Variants in BPTF observed in about 807,000 individuals in gnomAD.
BPTF encodes the protein bromodomain PHD finger transcription factor, also known as nucleosome-remodeling factor subunit BPTF.
BPTF carries 18 observed loss-of-function variants against 292.5 expected under a neutral mutation model. That is an observed-to-expected ratio of 0.06 (90% CI 0.04 to 0.09). The LOEUF (loss-of-function observed/expected upper bound fraction) is 0.09, where lower values mean the gene tolerates loss of function less well. Among genes scored for constraint, BPTF ranks in the 10% least tolerant of loss-of-function variants. BPTF has a pLI of 1.00. For missense variants in BPTF, 2,726 were observed against 3,498.7 expected (o/e 0.78, Z 5.57); for synonymous variants, 1,225 against 1,251.9 (o/e 0.98, Z 0.45).
intron 11 of BPTF, 109 bp downstream of exon 11, chr17:67,913,296 A>G (rs1378511485): frequency 1.4e-6 from 2 of 1,435,430 alleles, no homozygotes; most frequent in Non-Finnish European, 1.8e-6. Context: ...GACAGGAAAC[A>G]TATTAATGGC....
chr17:67,960,923 T>A (rs368268420), intron 24 of BPTF, among the ~76,000 whole-genome samples: 24 of 152,336 alleles, frequency 1.6e-4, no homozygotes, highest in African/African-American at 5.5e-4. Flanking sequence ...TAAACAGAAA[T>A]CAATTTAGGC....
chr17:67,855,155 G>C (rs942374303), intron 2 of BPTF, among the ~76,000 whole-genome samples: 6 of 152,222 alleles, frequency 3.9e-5, no homozygotes, highest in Admixed American at 2.0e-4. Context: ...ACAAAACTTA[G>C]CCAGGTGTGG....
At chr17:67,840,678 T>G (rs2057485703) in intron 1 of BPTF, among the ~76,000 whole-genome samples, 1 of 152,060 alleles carries the variant, frequency 6.6e-6, no homozygotes, top group Non-Finnish European at 1.5e-5. Flanking sequence ...TCCTCCCACT[T>G]CAGCCTCTGA....
At position 67,959,651 on chromosome 17, in the gene BPTF, C is replaced by T. The variant is rs782727606; in HGVS notation, c.8037C>T (p.Ala2679=). The change falls in exon 24 of 28, where the codon GCC becomes GCT. Residue 2679 remains alanine (A), a synonymous_variant. Transcript: ENST00000306378. Reference sequence around the variant, plus strand: ...CCCCAGTGACACCAGCTCCTCCAGCCCCTCCAGCCCCTCCACCTTCACCTC... The same window carrying T: ...CCCCAGTGACACCAGCTCCTCCAGCTCCTCCAGCCCCTCCACCTTCACCTC... The part of the protein sequence containing the change: ...PCPPVTPAPP[A]PPAPPPSPPP... The T allele has an allele frequency of 1.9e-6, 3 of 1,605,434 alleles. No homozygotes were observed. Among genetic ancestry groups the T allele is most frequent in the South Asian group, 2.2e-5 (2 of 89,876 alleles).
At chr17:67,981,523 T>C (rs556429541) in intron 27 of BPTF, 2 of 1,123,962 alleles carry the variant, frequency 1.8e-6, no homozygotes, top group East Asian at 8.7e-5. Flanking sequence ...CGTGATTACC[T>C]AATTCAAAAT....
rs1555674466 is a variant in BPTF at position 67,945,658 on chromosome 17, A to G, written c.6950A>G (p.His2317Arg). 6.2e-7 allele frequency: 1 copy of G among 1,614,048 alleles called. No individual in the cohort carries two copies. The highest frequency in any genetic ancestry group is 8.5e-7 in the Non-Finnish European group (1 of 1,180,016). The change falls in exon 21 of 28, where the codon CAC becomes CGC. Residue 2317 changes from histidine (H) to arginine (R), a missense_variant. This residue lies in a region of BPTF where 570 missense variants were observed against 633.5 expected (regional missense o/e 0.90). Coordinates refer to ENST00000306378, the MANE Select transcript of BPTF (RefSeq NM_182641.4). Reference protein sequence around the residue: ...SHVPSEAQPTHAQSSKPQVAA... With the variant: ...SHVPSEAQPTRAQSSKPQVAA... ...GTCCCTTCTGAAGCACAACCCACCC[A>G]CGCACAGTCATCCAAGCCCCAAGTT...
At chr17:67,939,724 C>T (rs982707242) in intron 18 of BPTF, among the ~76,000 whole-genome samples, 2 of 152,090 alleles carry the variant, frequency 1.3e-5, no homozygotes, top group African/African-American at 4.8e-5. Context: ...AAAACAAATA[C>T]AAAAAATTAG....
chr17:67,832,742 T>C (rs2056803678), intron 1 of BPTF, among the ~76,000 whole-genome samples: 1 of 150,778 alleles, frequency 6.6e-6, no homozygotes, highest in Non-Finnish European at 1.5e-5. Context: ...TGCTCATCCC[T>C]GGCAGCCACT....
At chr17:67,873,161 T>C (rs541699268) in intron 3 of BPTF, among the ~76,000 whole-genome samples, 1 of 152,014 alleles carries the variant, frequency 6.6e-6, no homozygotes, top group African/African-American at 2.4e-5. Flanking sequence ...ATACATGGTA[T>C]TAAGTGTTTC....
In BPTF at chr17:67,903,794, A is replaced by G; in HGVS notation, c.2549A>G (p.His850Arg). Residue 850 changes from histidine (H) to arginine (R), a missense_variant, in exon 8 of 28, where the codon CAC (histidine) becomes CGC (arginine). His to Arg is a conservative substitution (Grantham distance 29). Coordinates refer to ENST00000306378, the MANE Select transcript of BPTF (RefSeq NM_182641.4). ...TTCTATGCATGAATTCTTAGGTTAC[A>G]CCGGATGACATCAATTGAAAGAGAA... ...WRESLGHTRL[H>R]RMTSIEREEK... 1.3e-6 allele frequency: 2 copies of G among 1,563,024 alleles called. No homozygotes were observed. The highest frequency in any genetic ancestry group is 2.3e-5 in the East Asian group (1 of 43,550).
intron 1 of BPTF, among the ~76,000 whole-genome samples, chr17:67,841,791 T>C (rs577696450): frequency 6.6e-6 from 1 of 152,340 alleles, no homozygotes; most frequent in African/African-American, 2.4e-5. Flanking sequence ...TTGGACCATT[T>C]ACATTTAATA....
At chr17:67,896,173 A>G (rs985020440) in intron 7 of BPTF, among the ~76,000 whole-genome samples, 34 of 152,144 alleles carry the variant, frequency 2.2e-4, no homozygotes, top group Non-Finnish European at 3.7e-4. Context: ...CGTGTTAGCC[A>G]GGATGGTCTC....
chr17:67,826,640 G>A (rs1410563325), intron 1 of BPTF, among the ~76,000 whole-genome samples: 1 of 141,454 alleles, frequency 7.1e-6, no homozygotes, highest in African/African-American at 2.6e-5. Context: ...TGTCTCCACC[G>A]GGCAGGATTG....
intron 4 of BPTF, among the ~76,000 whole-genome samples, chr17:67,888,200 C>A (rs1049465373): frequency 2.0e-5 from 3 of 152,148 alleles, no homozygotes; most frequent in Non-Finnish European, 4.4e-5. Flanking sequence ...ATTTCACCCA[C>A]AACTTAAAAC....
At chr17:67,894,010 T>C in intron 6 of BPTF, 24 bp from the exon 7 acceptor site, 1 of 1,606,482 alleles carries the variant, frequency 6.2e-7, no homozygotes, top group Non-Finnish European at 8.5e-7. Flanking sequence ...TGAAATAATT[T>C]CTCTCATTTC....
At chr17:67,924,503 C>T in intron 14 of BPTF, 44 bp from the exon 15 acceptor site, 1 of 1,591,830 alleles carries the variant, frequency 6.3e-7, no homozygotes, top group Non-Finnish European at 8.6e-7. Context: ...TGCCAGATGC[C>T]TAACAGGCTA....
intron 25 of BPTF, among the ~76,000 whole-genome samples, chr17:67,964,750 CA>C (rs1268145270): frequency 2.6e-5 from 4 of 152,086 alleles, no homozygotes; most frequent in African/African-American, 9.7e-5. Flanking sequence ...CCTGTAATCC[CA>C]GCACTTTGGG....
chr17:67,848,639 C>A (rs1178293059), intron 1 of BPTF, among the ~76,000 whole-genome samples: 1 of 152,092 alleles, frequency 6.6e-6, no homozygotes, highest in South Asian at 2.1e-4. Context: ...GACTACAGTG[C>A]GTATTTAAAA....
At chr17:67,938,714 T>G (rs2065124196) in intron 18 of BPTF, among the ~76,000 whole-genome samples, 1 of 152,230 alleles carries the variant, frequency 6.6e-6, no homozygotes, top group Non-Finnish European at 1.5e-5. Flanking sequence ...AAGAGAACTT[T>G]ACAAGCAATA....
Sources: allele counts gnomAD v4.1 joint callset (sites outside exome capture counted in the v4.1 genomes callset), GRCh38; gene constraint gnomAD v4.1.1; regional missense constraint gnomAD v4.1.1; transcripts MANE v1.5; gene names NCBI Gene and HGNC (gene_info 2026-07-23, HGNC 2026-07-21).